The following ITGB7 variants were observed in gnomAD, a reference collection of about 807,000 sequenced individuals.
The protein encoded by ITGB7 is integrin beta-7.
ITGB7 carries 55 observed loss-of-function variants against 83.4 expected under a neutral mutation model. That is an observed-to-expected ratio of 0.66 (90% CI 0.53 to 0.83). The LOEUF (loss-of-function observed/expected upper bound fraction) is 0.83. ITGB7 is among the 40% of genes least tolerant of loss of function. The probability of loss-of-function intolerance (pLI) is 0.00; values close to 1 mark genes in which losing one functional copy is unlikely to be tolerated. For synonymous variants in ITGB7, 454 were observed against 423.6 expected, an observed-to-expected ratio of 1.07 and a Z score of -0.88; for missense variants, 921 against 1,046.7, an observed-to-expected ratio of 0.88 and a Z score of 1.66.
At chr12:53,200,829 T>TGA (rs1478466949) in intron 2 of ITGB7, among the ~76,000 whole-genome samples, 4 of 151,714 alleles carry the variant, frequency 2.6e-5, no homozygotes, top group Non-Finnish European at 4.4e-5. Context: ...CTCAGGAAGC[T>TGA]GAGGCAAGAG....
intron 3 of ITGB7, among the ~76,000 whole-genome samples, chr12:53,198,256 G>T (rs1942234391): frequency 6.6e-6 from 1 of 152,158 alleles, no homozygotes; most frequent in East Asian, 1.9e-4. Context: ...CAGCCTCCCG[G>T]TAGCTGGGAC....
chr12:53,205,341 T>C (rs1942416794), intron 1 of ITGB7, among the ~76,000 whole-genome samples: 1 of 151,878 alleles, frequency 6.6e-6, no homozygotes, highest in Admixed American at 6.6e-5. Context: ...CATGCTACCA[T>C]GTCTGGCTAA....
chr12:53,195,030 G>C, intron 9 of ITGB7: 2 of 256,430 alleles, frequency 7.8e-6, no homozygotes, highest in Non-Finnish European at 7.6e-6. Context: ...TGTAAAATAG[G>C]GATGGTAACA....
rs1942410270 is a variant in ITGB7, at chr12:53,205,135, T to A, written c.-127+2067A>T. On this transcript the variant is annotated intron_variant, in intron 1 of 15. Transcript: ENST00000267082. ...CCACTGTGCCTGGCCTTAAATTGTT[T>A]CTAGTTCCCTATGACAAATAATGCT... 2.0e-5 allele frequency among the ~76,000 whole-genome samples: 3 copies of A among 151,964 alleles called. No homozygotes were observed. In the South Asian group the frequency reaches 6.2e-4, roughly 32 times the overall value.
Position 53,195,476 on chromosome 12 carries a change from G to A in ITGB7, c.1072-13C>T. The A allele has an allele frequency of 1.2e-6, 2 of 1,609,978 alleles. No homozygotes were observed. Among genetic ancestry groups the A allele is most frequent in the Non-Finnish European group, 1.7e-6 (2 of 1,176,264 alleles). On this transcript the variant is annotated splice_polypyrimidine_tract_variant and intron_variant, in intron 8 of 15. Coordinates refer to ENST00000267082, the MANE Select transcript of ITGB7 (RefSeq NM_000889.3). Reference sequence around the variant, plus strand: ...GTTTACTCAGCTCCTGAGTTTTGGGGAGTTAAGGGAAATGGTGGGTCACAG... The same window carrying A: ...GTTTACTCAGCTCCTGAGTTTTGGGAAGTTAAGGGAAATGGTGGGTCACAG...
At position 53,197,732 on chromosome 12, in the gene ITGB7, C is replaced by A. The variant is rs1243567362; in HGVS notation, c.403+18G>T. 6 of 1,586,438 alleles carry A rather than the reference C, an allele frequency of 3.8e-6. No homozygotes were observed. The highest frequency in any genetic ancestry group is 1.7e-4 in the Middle Eastern group (1 of 5,924). On this transcript the variant is annotated intron_variant, in intron 4 of 15. Coordinates refer to ENST00000267082, the MANE Select transcript of ITGB7 (RefSeq NM_000889.3). ...GCCAGCCTAGACCTCTGGCCTGGCC[C>A]CGCCTCCCCTAACTCACCAGGCCGC...
At chr12:53,197,192 G>C in intron 5 of ITGB7, 1 of 560,426 alleles carries the variant, frequency 1.8e-6, no homozygotes. Context: ...ACTTGCATCA[G>C]GGCAGGTTCC....
intron 1 of ITGB7, among the ~76,000 whole-genome samples, chr12:53,204,329 G>A (rs543640990): frequency 4.6e-5 from 7 of 150,998 alleles, no homozygotes; most frequent in Admixed American, 1.3e-4. Flanking sequence ...GCAGTGAGCC[G>A]AGATTGTGCC....
At position 53,192,926 on chromosome 12, in the gene ITGB7, G is replaced by A; in HGVS notation, c.1727-16C>T. The A allele has an allele frequency of 6.2e-7, 1 of 1,610,874 alleles. No individual in the cohort carries two copies. Among genetic ancestry groups the A allele is most frequent in the Non-Finnish European group, 8.5e-7 (1 of 1,177,484 alleles). ...CGACCAAAGCCTGGGGTAGAGCCAT[G>A]CAGAGGGTGACAACCATACTCCACA... On this transcript the variant is annotated splice_polypyrimidine_tract_variant and intron_variant, in intron 12 of 15. Transcript: ENST00000267082.
In ITGB7 at chr12:53,191,509, C is replaced by A. The variant is rs371913287; in HGVS notation, c.*47G>T. 290 of 1,456,688 alleles carry A rather than the reference C, an allele frequency of 2.0e-4. No individual in the cohort carries two copies. The African/African-American group carries it at 3.6e-3, about 18-fold the overall frequency. The allele number at this position is 1,456,688 out of a possible 1,614,324, so 90.2% of individuals were successfully genotyped here. ...ACCCTTCCTCTCACCCTCCAGTTCC[C>A]ACTGTCCTCCAAGGAGAAGAGCCTT... On this transcript the variant is annotated 3_prime_UTR_variant, in exon 16 of 16. Transcript: ENST00000267082.
intron 1 of ITGB7, among the ~76,000 whole-genome samples, chr12:53,204,411 A>G (rs527398087): frequency 1.3e-5 from 2 of 152,154 alleles, no homozygotes; most frequent in African/African-American, 4.8e-5. Context: ...GTACTGATAC[A>G]TACATGCTAC....
chr12:53,198,031 C>G (rs545197687), intron 3 of ITGB7, 80 bp from the exon 4 acceptor site: 3 of 1,189,458 alleles, frequency 2.5e-6, no homozygotes, highest in South Asian at 2.8e-5. Context: ...CCTGCAAACC[C>G]GGCCACCTCT....
In ITGB7 at chr12:53,193,825, A is replaced by G. The variant is rs764176078; in HGVS notation, c.1385T>C (p.Phe462Ser). 3.1e-6 allele frequency: 5 copies of G among 1,614,084 alleles called. No individual in the cohort carries two copies. The highest frequency in any genetic ancestry group is 2.5e-6 in the Non-Finnish European group (3 of 1,179,982). The change falls in exon 11 of 16, where the codon TTC (phenylalanine) becomes TCC (serine). Residue 462 changes from phenylalanine (F) to serine (S), a missense_variant. By Grantham distance (155) the Phe-to-Ser change is radical (BLOSUM62 -2). Transcript: ENST00000267082. ...PHLLRLRALG[F>S]SEELIVELHT... Reference sequence around the variant, plus strand: ...CAACTCCACAATCAGCTCCTCTGAGAAGCCAAGGGCCCGGAGCCTCAGGAG... The same window carrying G: ...CAACTCCACAATCAGCTCCTCTGAGGAGCCAAGGGCCCGGAGCCTCAGGAG...
intron 3 of ITGB7, 150 bp downstream of exon 3, chr12:53,200,093 G>C: frequency 1.5e-6 from 1 of 684,144 alleles, no homozygotes; most frequent in Non-Finnish European, 2.5e-6. Flanking sequence ...AGTCCTATGT[G>C]CACAAACTCA....
At chr12:53,201,422 G>A (rs1258771668) in intron 1 of ITGB7, 5 of 152,158 alleles carry the variant, frequency 3.3e-5, no homozygotes, top group African/African-American at 9.7e-5. Flanking sequence ...CTGGGATAAG[G>A]GGAGAAAGGC....
At chr12:53,194,167 C>G (rs756425113) in intron 10 of ITGB7, 31 bp downstream of exon 10, 2 of 1,613,174 alleles carry the variant, frequency 1.2e-6, no homozygotes, top group East Asian at 2.2e-5. Context: ...CTCCCCCTGC[C>G]CGCCTTCTGC....
chr12:53,195,372 A>C lies in ITGB7; in HGVS notation c.1161+2T>G. The C allele has an allele frequency of 1.2e-6, 2 of 1,606,678 alleles. No individual in the cohort carries two copies. Among genetic ancestry groups the C allele is most frequent in the Non-Finnish European group, 1.7e-6 (2 of 1,174,502 alleles). On this transcript the variant is annotated splice_donor_variant, in intron 9 of 15. Transcript: ENST00000267082. LOFTEE classifies it high-confidence loss of function. ...CCATCTCCCCTTCCCCTGGCCCCTC[A>C]CATTATAAGCATCCATGATGAGCTG... is the stretch of plus-strand genomic sequence containing the variant.
intron 1 of ITGB7, among the ~76,000 whole-genome samples, chr12:53,204,380 CAAAA>C (rs1162922421): frequency 1.1e-5 from 1 of 89,442 alleles, no homozygotes; most frequent in Non-Finnish European, 2.3e-5. Context: ...AACTCGGTCT[CAAAA>C]AAAAAAAAAA....
Position 53,200,255 on chromosome 12 carries a change from C to T in ITGB7, c.189G>A (p.Trp63Ter), listed in dbSNP as rs1339840141. 3.1e-6 allele frequency: 5 copies of T among 1,613,822 alleles called. No homozygotes were observed. Among genetic ancestry groups the T allele is most frequent in the African/African-American group, 2.7e-5 (2 of 74,938 alleles). Residue 63 changes from tryptophan to a stop codon, truncating the protein, a stop_gained, in exon 3 of 16, where the codon TGG becomes TGA. Coordinates refer to ENST00000267082, the MANE Select transcript of ITGB7 (RefSeq NM_000889.3). LOFTEE classifies it high-confidence loss of function. ...GGCCCATCTTTACCAGTTGCTTGCA[C>T]CATGCACAGCTGGGGTGTGAGAGGA... ...KCILSHPSCA[W>*]CKQLNFTASG...
Sources: allele counts gnomAD v4.1 joint callset (sites outside exome capture counted in the v4.1 genomes callset), GRCh38; gene constraint gnomAD v4.1.1; transcripts MANE v1.5; gene names NCBI Gene and HGNC (gene_info 2026-07-23, HGNC 2026-07-21).